The following CELSR2 variants were observed in gnomAD, a reference collection of about 807,000 sequenced individuals.
CELSR2 encodes EGF-like protein 2.
In CELSR2, 81 loss-of-function variants were observed where a neutral mutation model predicts 251.6. The ratio of observed to expected loss-of-function variants is 0.32; its 90% confidence interval spans 0.27 to 0.39. The LOEUF (loss-of-function observed/expected upper bound fraction) is 0.39, where lower values mean the gene tolerates loss of function less well. Among genes scored for constraint, CELSR2 ranks in the 10% least tolerant of loss-of-function variants. CELSR2 has a pLI of 1.00. For missense variants in CELSR2, 3,365 were observed against 3,947.7 expected, an observed-to-expected ratio of 0.85 and a Z score of 3.96; for synonymous variants, 1,721 against 1,670.5, an observed-to-expected ratio of 1.03 and a Z score of -0.74.
At chr1:109,263,585 C>T in intron 8 of CELSR2, 26 bp from the exon 9 acceptor site, 1 of 1,610,854 alleles carries the variant, frequency 6.2e-7, no homozygotes, top group Non-Finnish European at 8.5e-7. Context: ...CCACCCGTCA[C>T]AGTCTGCCTT....
At chr1:109,257,104 C>T (rs557652252) in intron 1 of CELSR2, among the ~76,000 whole-genome samples, 1 of 152,276 alleles carries the variant, frequency 6.6e-6, no homozygotes, top group African/African-American at 2.4e-5. Context: ...CCTGTAATCC[C>T]AGTGCTCTAG....
Position 109,261,293 on chromosome 1 carries a change from G to A in CELSR2, c.4181+29G>A, listed in dbSNP as rs377294092. On this transcript the variant is annotated intron_variant, in intron 3 of 33. Transcript: ENST00000271332. The surrounding 1 kb of genome is among the most constrained non-coding windows in gnomAD (Gnocchi z 4.8). The stretch of plus-strand genomic sequence containing the variant: ...AGTGGCTGGGCACTGGGGGTGGGGA[G>A]TGGGCCTGGTGGGCATCTGAGGTGC... 5.0e-6 allele frequency: 8 copies of A among 1,591,650 alleles called. No individual in the cohort carries two copies. In the South Asian group the frequency reaches 8.9e-5, roughly 18 times the overall value.
Position 109,258,939 on chromosome 1 carries a change from G to A in CELSR2, c.3818G>A (p.Arg1273His), listed in dbSNP as rs1249420698. ...FRPIHPVGGL[R>H]CRCPPGFTGD... ...CCCATCCACCCCGTCGGAGGGCTGC[G>A]CTGCCGCTGCCCGCCCGGCTTCACG... The change falls in exon 2 of 34, where the codon CGC becomes CAC. Residue 1273 changes from arginine to histidine, a missense_variant. Arg to His is a conservative substitution (Grantham distance 29, BLOSUM62 0). Around this residue, in one of 5 missense-constraint regions of CELSR2, gnomAD observed 2,093 missense variants for 2,382.8 expected, o/e 0.88. Transcript: ENST00000271332. 3 of 1,611,630 alleles carry A rather than the reference G, an allele frequency of 1.9e-6. No individual in the cohort carries two copies. The highest frequency in any genetic ancestry group is 1.3e-5 in the African/African-American group (1 of 75,050).
rs1656300036 is a variant in CELSR2, at chr1:109,269,367, C to T, written c.6813-57C>T. 9 of 1,608,140 alleles carry T rather than the reference C, an allele frequency of 5.6e-6. No homozygotes were observed. Among genetic ancestry groups the T allele is most frequent in the Admixed American group, 5.1e-5 (3 of 59,400 alleles). ...GCTGAGGCATGGAGGGGGTCGGGGG[C>T]GTCTCCCCAGTCATGTGACTGCCGT... On this transcript the variant is annotated intron_variant, in intron 20 of 33. Transcript: ENST00000271332. The surrounding 1 kb of genome is among the most constrained non-coding windows in gnomAD (Gnocchi z 6.4).
chr1:109,254,136 TG>T (rs1162442331), intron 1 of CELSR2, among the ~76,000 whole-genome samples: 2 of 152,206 alleles, frequency 1.3e-5, no homozygotes, highest in Non-Finnish European at 2.9e-5. Context: ...TGAGGCCTCG[TG>T]GGCCCCCCTT....
Position 109,251,258 on chromosome 1 carries a change from T to C in CELSR2, c.1179T>C (p.Asn393=). 1 of 1,613,882 alleles carries C rather than the reference T, an allele frequency of 6.2e-7. No individual in the cohort carries two copies. The highest frequency in any genetic ancestry group is 8.5e-7 in the Non-Finnish European group (1 of 1,179,960). The change falls in exon 1 of 34, where the codon AAT becomes AAC. Residue 393 remains asparagine (N), a synonymous_variant. Coordinates refer to ENST00000271332, the MANE Select transcript of CELSR2 (RefSeq NM_001408.3). This position sits in a 1 kb window ranked among gnomAD's most constrained non-coding sequence, Gnocchi z 4.9. ...AAVFLSVEDD[N]DNAPQFSEKR... is the part of the protein sequence containing the mutation. ...TTTTCCTTTCTGTGGAGGATGACAA[T>C]GATAATGCCCCCCAGTTTAGTGAGA...
intron 15 of CELSR2, 133 bp from the exon 16 acceptor site, chr1:109,267,415 T>TGTAGAA: frequency 1.4e-6 from 1 of 730,764 alleles, no homozygotes; most frequent in Non-Finnish European, 2.2e-6. Context: ...TCTTCCTGTT[T>TGTAGAA]CACCAGGGCC....
At position 109,252,205 on chromosome 1, in the gene CELSR2, G is replaced by A. The variant is rs1570774994; in HGVS notation, c.2126G>A (p.Arg709His). 2.5e-6 allele frequency: 4 copies of A among 1,613,618 alleles called. No homozygotes were observed. The highest frequency in any genetic ancestry group is 1.1e-5 in the South Asian group (1 of 91,092). The stretch of plus-strand genomic sequence containing the variant: ...AATGTCACCGACGCCAACACCCATC[G>A]TCCTGTCTTTCAGAGCTCCCACTAT... ...VVNVTDANTH[R>H]PVFQSSHYTV... The change falls in exon 1 of 34, where the codon CGT (arginine) becomes CAT (histidine). Residue 709 changes from arginine to histidine, a missense_variant. Transcript: ENST00000271332. This position sits in a 1 kb window ranked among gnomAD's most constrained non-coding sequence, Gnocchi z 4.8.
rs112435961 is a variant in CELSR2, at chr1:109,261,357, A to AAG, written c.4181+94_4181+95dup. ...GTTGAAGTAAGAGGTCAGGCAGTGA[A>AAG]AGCGTGGAGCAGGCTGCCGGCAGAG... On this transcript the variant is annotated intron_variant, in intron 3 of 33. Transcript: ENST00000271332. This position sits in a 1 kb window ranked among gnomAD's most constrained non-coding sequence, Gnocchi z 4.8. The AAG allele has an allele frequency of 5.0e-3, 7,076 of 1,422,506 alleles. 284 individuals are homozygous for AAG. The African/African-American group carries it at 0.085, about 17-fold the overall frequency. 88.1% of individuals were successfully genotyped at this position (1,422,506 alleles called of 1,614,324 possible).
Position 109,250,149 on chromosome 1 carries a change from C to T in CELSR2, c.70C>T (p.Leu24=), listed in dbSNP as rs1655639469. ...PPPLLLLLLL[L]LPPPLLGDQV... is the part of the protein sequence containing the mutation. ...GCCGCTGCTGCTGCTGTTGCTGCTGCTGCTGCCGCCGCCACTATTGGGAGA... is the reference window on the plus strand; with the variant it reads ...GCCGCTGCTGCTGCTGTTGCTGCTGTTGCTGCCGCCGCCACTATTGGGAGA... The change falls in exon 1 of 34, where the codon CTG becomes TTG. Residue 24 remains leucine, a synonymous_variant. Transcript: ENST00000271332. This position sits in a 1 kb window ranked among gnomAD's most constrained non-coding sequence, Gnocchi z 4.4. 4 of 1,597,962 alleles carry T rather than the reference C, an allele frequency of 2.5e-6. No homozygotes were observed. Among genetic ancestry groups the T allele is most frequent in the Non-Finnish European group, 3.4e-6 (4 of 1,174,588 alleles).
At chr1:109,266,663 G>A (rs1163450163) in intron 15 of CELSR2, among the ~76,000 whole-genome samples, 7 of 145,468 alleles carry the variant, frequency 4.8e-5, no homozygotes, top group African/African-American at 1.5e-4. Context: ...CGCCTGCCTC[G>A]GCCTCCCAAA....
chr1:109,266,559 A>ATT (rs35994599), intron 15 of CELSR2: 5,139 of 83,688 alleles, frequency 0.061, 269 homozygotes, highest in African/African-American at 0.1. Context: ...CACCTGGCTA[A>ATT]TTTTTTTTTT....
chr1:109,261,646 C>T lies in CELSR2; in HGVS notation c.4297+18C>T. 6.3e-7 allele frequency: 1 copy of T among 1,597,630 alleles called. No individual in the cohort carries two copies. The highest frequency in any genetic ancestry group is 1.1e-5 in the South Asian group (1 of 90,782). ...CTCTGCAGGTGATCACAGTTGCCCC[C>T]CATCCTTGCCCATCTTCCAAAGGCC... is the stretch of plus-strand genomic sequence containing the variant. On this transcript the variant is annotated intron_variant, in intron 4 of 33. Coordinates refer to ENST00000271332, the MANE Select transcript of CELSR2 (RefSeq NM_001408.3). This position sits in a 1 kb window ranked among gnomAD's most constrained non-coding sequence, Gnocchi z 4.8.
intron 24 of CELSR2, 65 bp downstream of exon 24, chr1:109,270,665 C>A: frequency 1.3e-6 from 2 of 1,560,002 alleles, no homozygotes; most frequent in Non-Finnish European, 1.7e-6. Context: ...GCCATGTTCT[C>A]TCCACCCACA....
Position 109,265,258 on chromosome 1 carries a change from A to G in CELSR2, c.5674A>G (p.Ser1892Gly). The change falls in exon 13 of 34, where the codon AGC (serine) becomes GGC (glycine). Residue 1892 changes from serine (S) to glycine (G), a missense_variant. Ser to Gly is a moderately conservative substitution (Grantham distance 56, BLOSUM62 0). Around this residue, in one of 5 missense-constraint regions of CELSR2, gnomAD observed 2,093 missense variants for 2,382.8 expected, o/e 0.88. Coordinates refer to ENST00000271332, the MANE Select transcript of CELSR2 (RefSeq NM_001408.3). The stretch of plus-strand genomic sequence containing the variant: ...ATGTGGCCCATGCAACTGTGATGTC[A>G]GCAAAGGCTTTGACCCAGACTGCAA... The part of the protein sequence containing the change: ...PTCGPCNCDV[S>G]KGFDPDCNKT... 6.2e-7 allele frequency: 1 copy of G among 1,613,062 alleles called. No homozygotes were observed. Among genetic ancestry groups the G allele is most frequent in the Non-Finnish European group, 8.5e-7 (1 of 1,179,390 alleles).
rs750011223 is a variant in CELSR2, at chr1:109,270,094, G to A, written c.7269G>A (p.Gln2423=). The A allele has an allele frequency of 1.2e-6, 2 of 1,613,992 alleles. No individual in the cohort carries two copies. Among genetic ancestry groups the A allele is most frequent in the Non-Finnish European group, 8.5e-7 (1 of 1,179,984 alleles). The change falls in exon 23 of 34, where the codon CAG becomes CAA. Residue 2423 remains glutamine, a synonymous_variant. Transcript: ENST00000271332. ...RNLTAALGLA[Q]LVFLLGINQA... is the part of the protein sequence containing the mutation. ...TGACAGCTGCCCTGGGCCTGGCTCA[G>A]CTGGTCTTCCTCCTGGGAATCAACC...
At chr1:109,270,888 A>T (rs41279716) in intron 24 of CELSR2, 39 bp from the exon 25 acceptor site, 278,880 of 1,473,552 alleles carry the variant, frequency 0.19, 27,883 homozygotes, top group South Asian at 0.21. Flanking sequence ...CAGGCCCCTC[A>T]TCACCCCTCC....
chr1:109,250,896 G>T lies in CELSR2; in HGVS notation c.817G>T (p.Ala273Ser), dbSNP rs1399444663. The T allele has an allele frequency of 4.3e-6, 7 of 1,613,868 alleles. No homozygotes were observed. Among genetic ancestry groups the T allele is most frequent in the Non-Finnish European group, 5.9e-6 (7 of 1,180,046 alleles). Residue 273 changes from alanine (A) to serine (S), a missense_variant, in exon 1 of 34, where the codon GCT (alanine) becomes TCT (serine). Physicochemically the swap from Ala to Ser is moderately conservative, Grantham distance 99. Transcript: ENST00000271332. The surrounding 1 kb of genome is among the most constrained non-coding windows in gnomAD (Gnocchi z 4.4). ...CGGCATGCCCCGACGAAGTGCCCTG[G>T]CTACACTCACCATCTTGGTTACTGA... ...DHGMPRRSAL[A>S]TLTILVTDTN...
chr1:109,270,889 T>G (rs1323077952), intron 24 of CELSR2, 38 bp from the exon 25 acceptor site: 1 of 1,482,564 alleles, frequency 6.7e-7, no homozygotes, highest in Non-Finnish European at 9.3e-7. Context: ...AGGCCCCTCA[T>G]CACCCCTCCA....
Sources: gnomAD v4.1 joint callset for allele counts (sites outside exome capture counted in the v4.1 genomes callset) on GRCh38, gnomAD v4.1.1 for gene constraint, gnomAD v4.1.1 regional missense constraint, Gnocchi (gnomAD v3.1) non-coding constraint, MANE v1.5 for transcripts, NCBI Gene and HGNC (gene_info 2026-07-23, HGNC 2026-07-21) for gene names.